The following DDX4 variants were observed in gnomAD, a reference collection of about 807,000 sequenced individuals.
The protein encoded by DDX4 is DEAD-box helicase 4.
A neutral mutation model predicts 100.0 loss-of-function variants in DDX4; 25 were observed. That is an observed-to-expected ratio of 0.25 (90% confidence interval 0.18 to 0.35). The LOEUF (loss-of-function observed/expected upper bound fraction) is 0.35, where lower values mean the gene tolerates loss of function less well. Ranked by LOEUF, DDX4 falls within the 10% of genes least tolerant of loss-of-function variation. The probability of loss-of-function intolerance (pLI) is 1.00; values close to 1 mark genes in which losing one functional copy is unlikely to be tolerated. For missense variants in DDX4, 635 were observed against 882.4 expected (o/e 0.72, Z 3.55); for synonymous variants, 259 against 275.7 (o/e 0.94, Z 0.60).
intron 2 of DDX4, among the ~76,000 whole-genome samples, chr5:55,742,892 G>T (rs957556670): frequency 6.6e-6 from 1 of 152,066 alleles, no homozygotes; most frequent in Non-Finnish European, 1.5e-5. Context: ...ACTGGTGTGG[G>T]GTGGATTTAG....
At chr5:55,803,317 A>G (rs542503032) in intron 18 of DDX4, among the ~76,000 whole-genome samples, 1 of 148,792 alleles carries the variant, frequency 6.7e-6, no homozygotes, top group African/African-American at 2.5e-5. Flanking sequence ...CATGGTGTAT[A>G]TGTGCCACAT....
chr5:55,809,189 A>G (rs1260567928), intron 18 of DDX4, among the ~76,000 whole-genome samples: 1 of 152,152 alleles, frequency 6.6e-6, no homozygotes, highest in African/African-American at 2.4e-5. Context: ...GGTGGGAGTG[A>G]CCCGATTTTC....
chr5:55,810,127 G>A (rs11747443), intron 18 of DDX4, among the ~76,000 whole-genome samples: 22,729 of 151,622 alleles, frequency 0.15, 2,280 homozygotes, highest in Middle Eastern at 0.22. Context: ...TTTTGGAGAC[G>A]GAGTTTCGCT....
intron 7 of DDX4, among the ~76,000 whole-genome samples, chr5:55,775,854 C>G (rs556046396): frequency 3.9e-4 from 60 of 152,264 alleles, no homozygotes; most frequent in African/African-American, 1.4e-3. Flanking sequence ...GGCGCAGTGG[C>G]TCACACCTGT....
intron 17 of DDX4, among the ~76,000 whole-genome samples, chr5:55,795,069 G>T (rs910936320): frequency 1.3e-5 from 2 of 151,240 alleles, no homozygotes; most frequent in Non-Finnish European, 2.9e-5. Context: ...GGGTTCAAGC[G>T]ACTCTCCTCC....
intron 3 of DDX4, among the ~76,000 whole-genome samples, chr5:55,756,925 A>G (rs1173478752): frequency 6.6e-6 from 1 of 152,160 alleles, no homozygotes; most frequent in Non-Finnish European, 1.5e-5. Flanking sequence ...TATCAATGAC[A>G]GCATATCATT....
chr5:55,743,681 C>T (rs765903822), intron 2 of DDX4, among the ~76,000 whole-genome samples: 23 of 152,156 alleles, frequency 1.5e-4, no homozygotes, highest in Non-Finnish European at 2.8e-4. Flanking sequence ...CTGGCTGCCT[C>T]GGCTTCCCAA....
Position 55,790,631 on chromosome 5 carries a change from C to A in DDX4, c.1228C>A (p.Arg410=), listed in dbSNP as rs371844042. The change falls in exon 16 of 22, where the codon CGA becomes AGA. Residue 410 remains arginine (R), a synonymous_variant. Coordinates refer to ENST00000505374, the MANE Select transcript of DDX4 (RefSeq NM_024415.3). ...YGGTQLGHSI[R]QIVQGCNILC... is the part of the protein sequence containing the mutation. ...GGGAACCCAGCTGGGACATTCAATT[C>A]GACAAATAGTACAAGGCTGTAATAT... is the stretch of plus-strand genomic sequence containing the variant. 3.9e-5 allele frequency: 63 copies of A among 1,606,238 alleles called. No individual in the cohort carries two copies. In the Admixed American group the frequency reaches 1.0e-3, roughly 26 times the overall value.
intron 3 of DDX4, among the ~76,000 whole-genome samples, chr5:55,756,342 A>G (rs1759934940): frequency 6.6e-6 from 1 of 152,186 alleles, no homozygotes; most frequent in African/African-American, 2.4e-5. Context: ...TATGCACATT[A>G]CTGTTACACT....
chr5:55,777,705 A>G (rs1364197877), intron 7 of DDX4: 2 of 152,290 alleles, frequency 1.3e-5, no homozygotes, highest in Admixed American at 6.5e-5. Context: ...ACGTTTACCT[A>G]TGTAACAAAC....
At chr5:55,745,598 T>C (rs1321929955) in intron 2 of DDX4, among the ~76,000 whole-genome samples, 1 of 152,044 alleles carries the variant, frequency 6.6e-6, no homozygotes, top group Non-Finnish European at 1.5e-5. Context: ...ACTTTTTGTA[T>C]TTTTAGTAAA....
chr5:55,807,731 C>G (rs896866199), intron 18 of DDX4, among the ~76,000 whole-genome samples: 2 of 152,138 alleles, frequency 1.3e-5, no homozygotes, highest in Non-Finnish European at 2.9e-5. Context: ...GGTAACCCGA[C>G]CTTTCTCTCT....
chr5:55,781,906 A>G (rs762890605), intron 9 of DDX4, 28 bp from the exon 10 acceptor site: 2 of 1,613,222 alleles, frequency 1.2e-6, no homozygotes, highest in Admixed American at 1.7e-5. Flanking sequence ...TGTTTTATCT[A>G]AATATGTTGT....
At chr5:55,759,752 G>C (rs770610344) in intron 3 of DDX4, among the ~76,000 whole-genome samples, 1 of 152,150 alleles carries the variant, frequency 6.6e-6, no homozygotes, top group Non-Finnish European at 1.5e-5. Flanking sequence ...TCATGTTACT[G>C]TACTTTCAGA....
chr5:55,805,957 AC>A (rs1436482868), intron 18 of DDX4, among the ~76,000 whole-genome samples: 9 of 152,150 alleles, frequency 5.9e-5, no homozygotes, highest in African/African-American at 2.2e-4. Context: ...CTGGTCCTGG[AC>A]TTTTTTTGGT....
At chr5:55,782,110 T>G in intron 10 of DDX4, 129 bp downstream of exon 10, 1 of 1,054,012 alleles carries the variant, frequency 9.5e-7, no homozygotes, top group South Asian at 1.5e-5. Context: ...ATTGCTTTTA[T>G]ACACTGTGAG....
chr5:55,757,671 C>A (rs1175836920), intron 3 of DDX4, among the ~76,000 whole-genome samples: 1 of 152,050 alleles, frequency 6.6e-6, no homozygotes, highest in Non-Finnish European at 1.5e-5. Flanking sequence ...TTATTGAAGA[C>A]CTTTTCATGA....
intron 15 of DDX4, among the ~76,000 whole-genome samples, chr5:55,788,494 A>G (rs547360655): frequency 4.8e-4 from 73 of 152,118 alleles, no homozygotes; most frequent in Non-Finnish European, 9.0e-4. Context: ...TAAAAAACAG[A>G]TAATACTAGA....
chr5:55,773,868 C>T (rs1741400262), intron 7 of DDX4, among the ~76,000 whole-genome samples: 1 of 152,096 alleles, frequency 6.6e-6, no homozygotes, highest in Non-Finnish European at 1.5e-5. Flanking sequence ...AAGCAATCTG[C>T]CTGCCTCAGC....
Sources: allele counts gnomAD v4.1 joint callset (sites outside exome capture counted in the v4.1 genomes callset), GRCh38; gene constraint gnomAD v4.1.1; transcripts MANE v1.5; gene names NCBI Gene and HGNC (gene_info 2026-07-23, HGNC 2026-07-21).